Variants in SCUBE2 observed in about 807,000 individuals in gnomAD.
The protein encoded by SCUBE2 is signal peptide, CUB domain and EGF like domain containing 2.
SCUBE2 carries 114 observed loss-of-function variants against 125.9 expected under a neutral mutation model. The ratio of observed to expected loss-of-function variants is 0.91; its 90% CI spans 0.78 to 1.06. The LOEUF (loss-of-function observed/expected upper bound fraction) is 1.06, where lower values mean the gene tolerates loss of function less well. Ranked by LOEUF, SCUBE2 falls within the 50% of genes least tolerant of loss-of-function variation. The probability of loss-of-function intolerance (pLI) is 0.00; values close to 1 mark genes in which losing one functional copy is unlikely to be tolerated. For missense variants in SCUBE2, 1,255 were observed against 1,301.8 expected (o/e 0.96, Z 0.55); for synonymous variants, 459 against 492.9 (o/e 0.93, Z 0.91).
chr11:9,053,108 G>A lies in SCUBE2; in HGVS notation c.1438C>T (p.Leu480Phe), dbSNP rs761673541. ...ACTGGGCCCCACTCACCTGAAGAGA[G>A]GTGAATGCCAGAGTGACATCTGAGG... ...CFLRCHSGIHLSSGLQGAYSV... is the reference protein window; with the variant it reads ...CFLRCHSGIHFSSGLQGAYSV... The change falls in exon 12 of 23, where the codon CTC (leucine) becomes TTC (phenylalanine). Residue 480 changes from leucine to phenylalanine, a missense_variant. By Grantham distance (22) the Leu-to-Phe change is conservative. Around this residue, in one of 3 missense-constraint regions of SCUBE2, gnomAD observed 378 missense variants for 463.1 expected, o/e 0.82. Coordinates refer to ENST00000649792, the MANE Select transcript of SCUBE2 (RefSeq NM_001367977.2). 9 of 1,613,814 alleles carry A rather than the reference G, an allele frequency of 5.6e-6. No individual in the cohort carries two copies. Among genetic ancestry groups the A allele is most frequent in the Non-Finnish European group, 7.6e-6 (9 of 1,179,814 alleles).
chr11:9,038,055 C>G (rs1475846309), intron 16 of SCUBE2, among the ~76,000 whole-genome samples: 12 of 152,116 alleles, frequency 7.9e-5, no homozygotes, highest in Non-Finnish European at 8.8e-5. Context: ...CTCATTCATT[C>G]AATAAGTACT....
At chr11:9,025,545 T>C in intron 21 of SCUBE2, 157 bp downstream of exon 21, 2 of 708,036 alleles carry the variant, frequency 2.8e-6, no homozygotes, top group Non-Finnish European at 4.7e-6. Flanking sequence ...CCCAAATGCC[T>C]GTTAAAATTT....
chr11:9,047,575 G>A lies in SCUBE2; in HGVS notation c.1796-13C>T, dbSNP rs754618327. On this transcript the variant is annotated splice_polypyrimidine_tract_variant and intron_variant, in intron 15 of 22. Transcript: ENST00000649792. The stretch of plus-strand genomic sequence containing the variant: ...AGGTCACAAGAAGCTACAGAAACAA[G>A]AGGGACAGCAGTGCGGGAGGAGATC... 8 of 1,613,256 alleles carry A rather than the reference G, an allele frequency of 5.0e-6. No homozygotes were observed. Among genetic ancestry groups the A allele is most frequent in the Admixed American group, 1.7e-5 (1 of 59,960 alleles).
chr11:9,065,791 G>T, intron 7 of SCUBE2, 100 bp downstream of exon 7: 1 of 966,478 alleles, frequency 1.0e-6, no homozygotes, highest in Non-Finnish European at 1.7e-6. Context: ...AGTCCAGCTG[G>T]TCTGAGGGCA....
chr11:9,035,797 TTAA>T (rs1177102362), intron 16 of SCUBE2, among the ~76,000 whole-genome samples: 2 of 149,230 alleles, frequency 1.3e-5, no homozygotes, highest in Admixed American at 6.6e-5. Context: ...ATGTAACCAA[TTAA>T]TAAAGTCTAT....
chr11:9,076,002 C>A (rs573024531), intron 3 of SCUBE2, among the ~76,000 whole-genome samples: 1 of 152,286 alleles, frequency 6.6e-6, no homozygotes, highest in Admixed American at 6.5e-5. Flanking sequence ...GGTGATCTGT[C>A]TGAAATGCTG....
chr11:9,045,657 C>G (rs917167879), intron 16 of SCUBE2, among the ~76,000 whole-genome samples: 1 of 147,168 alleles, frequency 6.8e-6, no homozygotes, highest in African/African-American at 2.5e-5. Context: ...ACACACACAG[C>G]CTTGTCTATG....
chr11:9,053,252 G>T, intron 11 of SCUBE2, 37 bp from the exon 12 acceptor site: 1 of 1,555,404 alleles, frequency 6.4e-7, no homozygotes, highest in Non-Finnish European at 8.9e-7. Context: ...AGAAAGAGAA[G>T]GACATTTCCA....
At chr11:9,054,981 G>A (rs939226022) in intron 10 of SCUBE2, among the ~76,000 whole-genome samples, 5 of 151,532 alleles carry the variant, frequency 3.3e-5, no homozygotes, top group Middle Eastern at 3.2e-3. Flanking sequence ...TGATCCGCCC[G>A]CCTTGGCCTC....
At position 9,060,410 on chromosome 11, in the gene SCUBE2, T is replaced by G. The variant is rs547911794; in HGVS notation, c.965A>C (p.Lys322Thr). 6.8e-6 allele frequency: 11 copies of G among 1,612,694 alleles called. No individual in the cohort carries two copies. Among genetic ancestry groups the G allele is most frequent in the Middle Eastern group, 3.3e-4 (2 of 6,082 alleles). The stretch of plus-strand genomic sequence containing the variant: ...CTCCCTGGGGAGGTGAAGGCTACCT[T>G]TACATGTCTTCCCATCCAACTGGAG... ...FTLQLDGKTC[K>T]DIDECQTRNG... Residue 322 changes from lysine (K) to threonine (T), a missense_variant and splice_region_variant, in exon 8 of 23, where the codon AAA becomes ACA. By Grantham distance (78) the Lys-to-Thr change is moderately conservative. Transcript: ENST00000649792.
rs375136507 is a variant in SCUBE2 at position 9,031,811 on chromosome 11, A to C, written c.2174-886T>G. On this transcript the variant is annotated intron_variant, in intron 17 of 22. Coordinates refer to ENST00000649792, the MANE Select transcript of SCUBE2 (RefSeq NM_001367977.2). ...AAGATGCTATCAAAATCTGCTATCT[A>C]TCTCTTATATTCTTAATCATCTCTC... is the stretch of plus-strand genomic sequence containing the variant. Among the ~76,000 whole-genome samples, 9 of 152,292 alleles carry C rather than the reference A, an allele frequency of 5.9e-5. No individual in the cohort carries two copies. In the East Asian group the frequency reaches 1.3e-3, roughly 23 times the overall value.
rs367793405 is a variant in SCUBE2, at chr11:9,089,859, C to G, written c.134-30G>C. On this transcript the variant is annotated intron_variant, in intron 1 of 22. Coordinates refer to ENST00000649792, the MANE Select transcript of SCUBE2 (RefSeq NM_001367977.2). ...AAAAGAGCACAGCTGACACCTGGTA[C>G]AGGCTCCCAGGCCATGTGTGATCTG... is the stretch of plus-strand genomic sequence containing the variant. 5.3e-5 allele frequency: 86 copies of G among 1,608,750 alleles called. No individual in the cohort carries two copies. The African/African-American group carries it at 1.0e-3, about 19-fold the overall frequency.
intron 20 of SCUBE2, chr11:9,027,067 A>G: frequency 2.4e-6 from 1 of 417,638 alleles, no homozygotes; most frequent in South Asian, 2.5e-5. Context: ...TCTGGGGCCA[A>G]CACTGCATGA....
intron 8 of SCUBE2, 89 bp from the exon 9 acceptor site, chr11:9,059,514 G>A: frequency 2.1e-6 from 3 of 1,439,152 alleles, no homozygotes; most frequent in Non-Finnish European, 2.8e-6. Context: ...GTGTTCATTA[G>A]TCTCTGAAAT....
chr11:9,062,474 T>G (rs1859777344), intron 7 of SCUBE2, among the ~76,000 whole-genome samples: 1 of 152,224 alleles, frequency 6.6e-6, no homozygotes, highest in South Asian at 2.1e-4. Flanking sequence ...AATTGGCTTT[T>G]TAGTATTTTA....
At chr11:9,077,868 T>C (rs909934419) in intron 3 of SCUBE2, among the ~76,000 whole-genome samples, 4 of 152,222 alleles carry the variant, frequency 2.6e-5, no homozygotes, top group Admixed American at 1.3e-4. Context: ...GAAAAGACTC[T>C]GCCTTCAGGG....
chr11:9,053,899 T>C, intron 10 of SCUBE2, 140 bp from the exon 11 acceptor site: 1 of 1,024,654 alleles, frequency 9.8e-7, no homozygotes, highest in East Asian at 2.6e-5. Flanking sequence ...GCCTTTAGCA[T>C]GAGCGCTCGG....
chr11:9,085,590 G>A (rs1861984078), intron 2 of SCUBE2, among the ~76,000 whole-genome samples: 1 of 152,062 alleles, frequency 6.6e-6, no homozygotes, highest in Admixed American at 6.5e-5. Context: ...GCCAGGCGTG[G>A]TGGTGGGCGC....
chr11:9,048,425 C>A (rs941363154), intron 14 of SCUBE2, among the ~76,000 whole-genome samples: 1 of 152,200 alleles, frequency 6.6e-6, no homozygotes, highest in Non-Finnish European at 1.5e-5. Context: ...GGTTTGCTAA[C>A]GTGTGCTTAC....
Sources: allele counts gnomAD v4.1 joint callset (sites outside exome capture counted in the v4.1 genomes callset), GRCh38; gene constraint gnomAD v4.1.1; regional missense constraint gnomAD v4.1.1; transcripts MANE v1.5; gene names NCBI Gene and HGNC (gene_info 2026-07-23, HGNC 2026-07-21).